Variants in CCDC73 observed in about 807,000 individuals in gnomAD.
The protein encoded by CCDC73 is coiled-coil domain-containing protein 73.
In CCDC73, 95 loss-of-function variants were observed where a neutral mutation model predicts 116.5. The ratio of observed to expected loss-of-function variants is 0.82; its 90% CI spans 0.69 to 0.97. CCDC73 has a LOEUF of 0.97. Ranked by LOEUF, CCDC73 falls within the 50% of genes least tolerant of loss-of-function variation. CCDC73 has a pLI of 0.00. For synonymous variants in CCDC73, 398 were observed against 401.3 expected, an observed-to-expected ratio of 0.99 and a Z score of 0.10; for missense variants, 1,066 against 1,206.8, an observed-to-expected ratio of 0.88 and a Z score of 1.73.
At chr11:32,622,921 G>C (rs559483235) in intron 14 of CCDC73, among the ~76,000 whole-genome samples, 142 of 152,148 alleles carry the variant, frequency 9.3e-4, no homozygotes, top group African/African-American at 3.1e-3. Context: ...GCAAGAAATA[G>C]TATCAAATGC....
intron 1 of CCDC73, among the ~76,000 whole-genome samples, chr11:32,792,764 A>C (rs560216506): frequency 6.6e-6 from 1 of 152,356 alleles, no homozygotes; most frequent in African/African-American, 2.4e-5. Flanking sequence ...GTGGTTAAGC[A>C]TCTGGGTTTC....
At chr11:32,817,230 T>C in the CCDC73 span, among the ~76,000 whole-genome samples, 1 of 152,220 alleles carries the variant, frequency 6.6e-6, no homozygotes, top group African/African-American at 2.4e-5. Context: ...GCAATGAACA[T>C]ACATTTGATT....
rs1399449973 is a variant in CCDC73 at position 32,735,726 on chromosome 11, A to G, written c.136-17579T>C. Among the ~76,000 whole-genome samples, 5 of 152,226 alleles carry G rather than the reference A, an allele frequency of 3.3e-5. No individual in the cohort carries two copies. The East Asian group carries it at 9.6e-4, about 29-fold the overall frequency. On this transcript the variant is annotated intron_variant, in intron 2 of 17. Coordinates refer to ENST00000335185, the MANE Select transcript of CCDC73 (RefSeq NM_001008391.4). ...AGGCAATCCTAAGCCAAAAGAACAA[A>G]GCTGGAGGCATCACGCTACCTGACT...
At chr11:32,706,513 C>T (rs1014309132) in intron 3 of CCDC73, among the ~76,000 whole-genome samples, 6 of 152,182 alleles carry the variant, frequency 3.9e-5, no homozygotes, top group Non-Finnish European at 8.8e-5. Context: ...CGTATAAGTA[C>T]TTATACGCAG....
chr11:32,669,677 T>C (rs1856018693), intron 9 of CCDC73, among the ~76,000 whole-genome samples: 1 of 152,140 alleles, frequency 6.6e-6, no homozygotes, highest in African/African-American at 2.4e-5. Context: ...TCAATTATTT[T>C]GATTTTTAGA....
intron 1 of CCDC73, among the ~76,000 whole-genome samples, chr11:32,774,665 A>T (rs995616319): frequency 1.3e-5 from 2 of 152,186 alleles, no homozygotes; most frequent in East Asian, 3.8e-4. Flanking sequence ...TTAAAAAAAT[A>T]AAAAAATAAA....
intron 2 of CCDC73, among the ~76,000 whole-genome samples, chr11:32,751,814 A>G (rs74580764): frequency 0.1 from 15,434 of 152,238 alleles, 1,049 homozygotes; most frequent in Non-Finnish European, 0.15. Context: ...GTGTTCCTGC[A>G]GGAAGGACAA....
At chr11:32,729,951 G>A (rs1175566698) in intron 2 of CCDC73, among the ~76,000 whole-genome samples, 1 of 152,038 alleles carries the variant, frequency 6.6e-6, no homozygotes, top group African/African-American at 2.4e-5. Flanking sequence ...CTTTCTTTTT[G>A]TCTTTAGCCT....
intron 1 of CCDC73, among the ~76,000 whole-genome samples, chr11:32,792,599 G>T (rs891015482): frequency 3.3e-5 from 5 of 152,078 alleles, no homozygotes. Flanking sequence ...TTTTGGAAAC[G>T]GTGTACCTCC....
intron 1 of CCDC73, among the ~76,000 whole-genome samples, chr11:32,786,589 TTCA>T (rs1489772488): frequency 6.7e-6 from 1 of 149,532 alleles, no homozygotes; most frequent in African/African-American, 2.4e-5. Context: ...CATTTCAGCA[TTCA>T]TCATATTATT....
intron 2 of CCDC73, among the ~76,000 whole-genome samples, chr11:32,726,842 C>A (rs891376664): frequency 1.3e-5 from 2 of 151,782 alleles, no homozygotes; most frequent in Admixed American, 6.6e-5. Flanking sequence ...TTCTAAGTAG[C>A]CCATATGTTG....
At chr11:32,755,401 G>A (rs1423197782) in intron 2 of CCDC73, among the ~76,000 whole-genome samples, 118 of 146,784 alleles carry the variant, frequency 8.0e-4, no homozygotes, top group Non-Finnish European at 2.0e-4. Context: ...GGGCGTGGTG[G>A]TGCATGCCTG....
the CCDC73 span, among the ~76,000 whole-genome samples, chr11:32,814,409 T>C: frequency 6.6e-6 from 1 of 152,192 alleles, no homozygotes; most frequent in Non-Finnish European, 1.5e-5. Context: ...CCTCAGATTA[T>C]TTAAAATAGA....
In CCDC73 at chr11:32,713,035, T is replaced by C. The variant is rs189265369; in HGVS notation, c.207+5041A>G. Among the ~76,000 whole-genome samples the C allele has an allele frequency of 8.5e-5, 13 of 152,194 alleles. No individual in the cohort carries two copies. In the East Asian group the frequency reaches 2.5e-3, roughly 29 times the overall value. ...CAAAAAGCCTGGTATTGTTTTTCCA[T>C]TACCCAAAGAAAGGAAAATCCATGA... On this transcript the variant is annotated intron_variant, in intron 3 of 17. Coordinates refer to ENST00000335185, the MANE Select transcript of CCDC73 (RefSeq NM_001008391.4).
intron 1 of CCDC73, among the ~76,000 whole-genome samples, chr11:32,763,288 C>G (rs1305815009): frequency 6.6e-6 from 1 of 152,226 alleles, no homozygotes; most frequent in Non-Finnish European, 1.5e-5. Flanking sequence ...TGAGAACGGA[C>G]AGACTGCCTC....
the CCDC73 span, among the ~76,000 whole-genome samples, chr11:32,822,213 G>A: frequency 6.6e-5 from 10 of 152,178 alleles, no homozygotes; most frequent in Admixed American, 6.6e-5. Context: ...TTCTACCATA[G>A]TTCAGCTTGT....
At chr11:32,724,641 TTGAAA>T in intron 2 of CCDC73, among the ~76,000 whole-genome samples, 1 of 152,176 alleles carries the variant, frequency 6.6e-6, no homozygotes, top group East Asian at 1.9e-4. Flanking sequence ...TCTTCAATAA[TTGAAA>T]AAGATGGATA....
chr11:32,695,624 T>G (rs1856303260), intron 6 of CCDC73, among the ~76,000 whole-genome samples: 1 of 152,154 alleles, frequency 6.6e-6, no homozygotes, highest in East Asian at 1.9e-4. Flanking sequence ...TCACAGTAGG[T>G]AGAGTTTCTT....
intron 14 of CCDC73, among the ~76,000 whole-genome samples, chr11:32,619,455 G>C (rs1392247992): frequency 6.6e-6 from 1 of 152,182 alleles, no homozygotes; most frequent in Non-Finnish European, 1.5e-5. Flanking sequence ...AGGACTACTT[G>C]AGGCCAGGAG....
Sources: gnomAD v4.1 joint callset for allele counts (sites outside exome capture counted in the v4.1 genomes callset) on GRCh38, gnomAD v4.1.1 for gene constraint, MANE v1.5 for transcripts, NCBI Gene and HGNC (gene_info 2026-07-23, HGNC 2026-07-21) for gene names.